UBR3: variants seen among roughly 807,000 people sequenced by gnomAD.
UBR3 encodes the protein E3 ubiquitin-protein ligase UBR3.
UBR3 carries 85 observed loss-of-function variants against 243.2 expected under a neutral mutation model. The ratio of observed to expected loss-of-function variants is 0.35; its 90% CI spans 0.29 to 0.42. The LOEUF is 0.42. Among genes scored for constraint, UBR3 ranks in the 10% least tolerant of loss-of-function variants. UBR3 has a pLI of 1.00. For synonymous variants in UBR3, 748 were observed against 799.8 expected (o/e 0.94, Z 1.09); for missense variants, 1,686 against 2,300.8 (o/e 0.73, Z 5.47).
chr2:169,967,678 A>T (rs1428894325), intron 24 of UBR3, among the ~76,000 whole-genome samples: 1 of 152,208 alleles, frequency 6.6e-6, no homozygotes, highest in East Asian at 1.9e-4. Flanking sequence ...GTCTGAGCTG[A>T]GAGCAGCCAC....
In UBR3 at chr2:170,029,108, C is replaced by A. The variant is rs189290111; in HGVS notation, c.4454-238C>A. ...GTCTGTGATAGGAGATGAGGAAAAC[C>A]ATTCCTGTATTAAGATTGAGTCTAA... On this transcript the variant is annotated intron_variant, in intron 30 of 38. Coordinates refer to ENST00000272793, the MANE Select transcript of UBR3 (RefSeq NM_172070.4). Among the ~76,000 whole-genome samples, 13 of 152,126 alleles carry A rather than the reference C, an allele frequency of 8.5e-5. No individual in the cohort carries two copies. In the East Asian group the frequency reaches 2.1e-3, roughly 25 times the overall value.
intron 19 of UBR3, 36 bp from the exon 20 acceptor site, chr2:169,942,457 C>T: frequency 6.6e-7 from 1 of 1,513,510 alleles, no homozygotes; most frequent in Non-Finnish European, 8.8e-7. Context: ...GATTTTGAGG[C>T]TATCATCTAA....
At chr2:169,956,982 TA>T (rs1217134000) in intron 23 of UBR3, among the ~76,000 whole-genome samples, 1 of 152,208 alleles carries the variant, frequency 6.6e-6, no homozygotes, top group African/African-American at 2.4e-5. Flanking sequence ...ATGTCTTCTG[TA>T]TTATGGGTAT....
At chr2:170,058,690 A>G (rs2091394224) in intron 33 of UBR3, among the ~76,000 whole-genome samples, 1 of 151,584 alleles carries the variant, frequency 6.6e-6, no homozygotes. Flanking sequence ...TAACTTTCCC[A>G]TTTTTTGTGG....
chr2:170,061,045 G>C, intron 33 of UBR3, 34 bp from the exon 34 acceptor site: 1 of 1,333,022 alleles, frequency 7.5e-7, no homozygotes, highest in African/African-American at 1.5e-5. Flanking sequence ...ATAATTTTCA[G>C]TGACCAGTGT....
chr2:169,887,460 G>A (rs1044167781), intron 5 of UBR3, among the ~76,000 whole-genome samples: 36 of 151,972 alleles, frequency 2.4e-4, no homozygotes, highest in African/African-American at 7.3e-4. Context: ...TTTTGTTTTC[G>A]TTTTCCTTAA....
intron 5 of UBR3, among the ~76,000 whole-genome samples, chr2:169,881,861 G>T (rs1407984320): frequency 7.6e-6 from 1 of 131,698 alleles, no homozygotes; most frequent in Non-Finnish European, 1.6e-5. Flanking sequence ...ACGTATATGT[G>T]TATATGTATA....
chr2:169,947,647 G>A lies in UBR3; in HGVS notation c.3016G>A (p.Glu1006Lys), dbSNP rs2086838022. The change falls in exon 22 of 39, where the codon GAG becomes AAG. Residue 1006 changes from glutamate to lysine, a missense_variant. Glu to Lys is a moderately conservative substitution (Grantham distance 56). Around this residue, in one of 8 missense-constraint regions of UBR3, gnomAD observed 300 missense variants for 314.4 expected, o/e 0.95. Transcript: ENST00000272793. The stretch of plus-strand genomic sequence containing the variant: ...AAACTATGTTAGAGTAAGAGTTCCA[G>A]AGACTGCTCCTGAAGTAAAGAGAGA... ...FINYVRVRVP[E>K]TAPEVKRDSP... The A allele has an allele frequency of 2.6e-6, 4 of 1,542,134 alleles. No individual in the cohort carries two copies. The highest frequency in any genetic ancestry group is 3.5e-6 in the Non-Finnish European group (4 of 1,142,496).
intron 10 of UBR3, among the ~76,000 whole-genome samples, chr2:169,913,043 A>G (rs1456080851): frequency 2.0e-5 from 3 of 152,194 alleles, no homozygotes; most frequent in Non-Finnish European, 4.4e-5. Flanking sequence ...TTGGCCTCCC[A>G]AAGTGTTGCC....
intron 30 of UBR3, 39 bp downstream of exon 30, chr2:170,015,405 T>C (rs1429181255): frequency 1.3e-6 from 2 of 1,520,864 alleles, no homozygotes; most frequent in East Asian, 2.3e-5. Context: ...AAAAATTCTG[T>C]CATTTTTGGA....
chr2:169,890,583 A>ATATATATATATGTATATATATG (rs1383269041), intron 5 of UBR3, among the ~76,000 whole-genome samples: 2,344 of 93,464 alleles, frequency 0.025, 157 homozygotes, highest in Admixed American at 0.059. Context: ...ATATATATGT[A>ATATATATATATGTATATATATG]TATATATATG....
chr2:169,942,392 C>G, intron 19 of UBR3, 101 bp from the exon 20 acceptor site: 1 of 1,192,346 alleles, frequency 8.4e-7, no homozygotes, highest in Non-Finnish European at 1.1e-6. Context: ...AATAGCACTG[C>G]ATAAAATATT....
At position 170,060,455 on chromosome 2, in the gene UBR3, C is replaced by T. The variant is rs557384196; in HGVS notation, c.4786-624C>T. 2.3e-4 allele frequency among the ~76,000 whole-genome samples: 35 copies of T among 151,582 alleles called. No individual in the cohort carries two copies. The South Asian group carries it at 7.3e-3, about 32-fold the overall frequency. On this transcript the variant is annotated intron_variant, in intron 33 of 38. Coordinates refer to ENST00000272793, the MANE Select transcript of UBR3 (RefSeq NM_172070.4). ...TTATAGTGTATTATTTTAATAAATC[C>T]TCAAAGACATTTGAGGGAAATTGTA...
intron 1 of UBR3, among the ~76,000 whole-genome samples, chr2:169,833,518 C>T (rs1178918734): frequency 6.6e-6 from 1 of 152,036 alleles, no homozygotes; most frequent in Non-Finnish European, 1.5e-5. Context: ...GCTGCTATAC[C>T]CAAAAAGTTA....
intron 5 of UBR3, among the ~76,000 whole-genome samples, chr2:169,890,563 A>ATATATATGTGTG (rs1255881148): frequency 1.9e-4 from 16 of 83,882 alleles, no homozygotes; most frequent in South Asian, 8.4e-4. Flanking sequence ...ATATATATAT[A>ATATATATGTGTG]TGTGTATATA....
chr2:170,000,136 A>G (rs1054745868), intron 26 of UBR3, among the ~76,000 whole-genome samples: 1 of 150,760 alleles, frequency 6.6e-6, no homozygotes, highest in Non-Finnish European at 1.5e-5. Context: ...CAAAAAAAAA[A>G]ACCTCAAAAA....
intron 10 of UBR3, among the ~76,000 whole-genome samples, chr2:169,906,839 T>C (rs575730932): frequency 3.5e-4 from 53 of 152,274 alleles, no homozygotes; most frequent in Admixed American, 1.1e-3. Context: ...GTCTGTTTAC[T>C]GACCTTTTAA....
At chr2:169,934,896 G>A (rs1185111358) in intron 19 of UBR3, among the ~76,000 whole-genome samples, 4 of 152,136 alleles carry the variant, frequency 2.6e-5, no homozygotes, top group Non-Finnish European at 5.9e-5. Flanking sequence ...TCTAGTCCAG[G>A]TTTTATAAAA....
Position 170,034,803 on chromosome 2 carries a change from GTTC to G in UBR3, c.4556+5358_4556+5360del, listed in dbSNP as rs1302817828. Among the ~76,000 whole-genome samples, 4 of 151,976 alleles carry G rather than the reference GTTC, an allele frequency of 2.6e-5. No homozygotes were observed. The East Asian group carries it at 7.7e-4, about 29-fold the overall frequency. ...GCATTCCCACCAGCAATGAATGAGA[GTTC>G]TTGTTACTCCACATCTTTGTCAACA... is the stretch of plus-strand genomic sequence containing the variant. On this transcript the variant is annotated intron_variant, in intron 31 of 38. Transcript: ENST00000272793.
Sources: gnomAD v4.1 joint callset for allele counts (sites outside exome capture counted in the v4.1 genomes callset) on GRCh38, gnomAD v4.1.1 for gene constraint, gnomAD v4.1.1 regional missense constraint, MANE v1.5 for transcripts, NCBI Gene and HGNC (gene_info 2026-07-23, HGNC 2026-07-21) for gene names.